Variants in COL23A1 observed in about 807,000 individuals in gnomAD.
COL23A1 encodes the protein collagen alpha-1(XXIII) chain.
COL23A1 carries 97 observed loss-of-function variants against 99.3 expected under a neutral mutation model. The observed-to-expected ratio is 0.98, with a 90% confidence interval of 0.83 to 1.16. The LOEUF (loss-of-function observed/expected upper bound fraction) is 1.16, where lower values mean the gene tolerates loss of function less well. COL23A1 is among the 50% of genes most tolerant of loss of function. The probability of loss-of-function intolerance (pLI) is 0.00; values close to 1 mark genes in which losing one functional copy is unlikely to be tolerated. For synonymous variants in COL23A1, 320 were observed against 308.2 expected, an observed-to-expected ratio of 1.04 and a Z score of -0.40; for missense variants, 762 against 757.4, an observed-to-expected ratio of 1.01 and a Z score of -0.07.
chr5:178,522,810 C>G (rs1760023332), intron 2 of COL23A1, among the ~76,000 whole-genome samples: 1 of 152,134 alleles, frequency 6.6e-6, no homozygotes, highest in Non-Finnish European at 1.5e-5. Flanking sequence ...TGCCAGTGAG[C>G]TCTGCCCGAG....
intron 1 of COL23A1, among the ~76,000 whole-genome samples, chr5:178,579,794 C>T (rs1763568379): frequency 6.6e-6 from 1 of 152,158 alleles, no homozygotes; most frequent in Non-Finnish European, 1.5e-5. Context: ...CCATCACTTA[C>T]AGATGTCTAC....
At chr5:178,543,170 C>T (rs949847305) in intron 2 of COL23A1, among the ~76,000 whole-genome samples, 3 of 151,718 alleles carry the variant, frequency 2.0e-5, no homozygotes, top group South Asian at 2.1e-4. Context: ...TGCAATGGCG[C>T]GATCTCGGCT....
At chr5:178,358,294 A>ATGTG (rs1228335828) in intron 2 of COL23A1, among the ~76,000 whole-genome samples, 7 of 114,038 alleles carry the variant, frequency 6.1e-5, no homozygotes, top group African/African-American at 2.4e-4. Flanking sequence ...GTGTGCGTAT[A>ATGTG]TGTATGTATG....
chr5:178,287,278 G>T (rs999892728), intron 5 of COL23A1, among the ~76,000 whole-genome samples: 2 of 152,192 alleles, frequency 1.3e-5, no homozygotes, highest in Non-Finnish European at 2.9e-5. Flanking sequence ...ATTGCTGGGG[G>T]AGCTGCCCGG....
chr5:178,245,351 C>T (rs1427445473), intron 25 of COL23A1, among the ~76,000 whole-genome samples: 1 of 146,042 alleles, frequency 6.8e-6, no homozygotes, highest in Admixed American at 6.8e-5. Flanking sequence ...CATCATTCAT[C>T]TATTATCCAT....
At chr5:178,469,673 C>T (rs1422041799) in intron 2 of COL23A1, among the ~76,000 whole-genome samples, 4 of 152,058 alleles carry the variant, frequency 2.6e-5, no homozygotes, top group African/African-American at 9.7e-5. Flanking sequence ...AGGGGACTTC[C>T]GCCAGTACCT....
At chr5:178,444,821 A>G (rs1442074468) in intron 2 of COL23A1, among the ~76,000 whole-genome samples, 1 of 152,154 alleles carries the variant, frequency 6.6e-6, no homozygotes, top group Non-Finnish European at 1.5e-5. Flanking sequence ...AAACAAATAA[A>G]AAAACCCACA....
chr5:178,405,370 A>G (rs1561942738), intron 2 of COL23A1, among the ~76,000 whole-genome samples: 2 of 152,224 alleles, frequency 1.3e-5, no homozygotes, highest in African/African-American at 4.8e-5. Flanking sequence ...ACAAACTATG[A>G]TTCAATTTTT....
Position 178,309,937 on chromosome 5 carries a change from GGGC to G in COL23A1, c.362-3021_362-3019del, listed in dbSNP as rs879550696. Among the ~76,000 whole-genome samples the G allele has an allele frequency of 0.071, 6,707 of 93,936 alleles. 258 individuals are homozygous for G. Among genetic ancestry groups the G allele is most frequent in the African/African-American group, 0.14 (3,836 of 26,836 alleles). The allele number at this position is 93,936 out of a possible 152,430, so 61.6% of individuals were successfully genotyped here. ...AAGTGATGTGTGTTCAGGGGAGGAA[GGGC>G]GGGGGGGAGAGGGAGGGAGGGAGAA... On this transcript the variant is annotated intron_variant, in intron 2 of 28. Transcript: ENST00000390654. This position sits in a 1 kb window ranked among gnomAD's most constrained non-coding sequence, Gnocchi z 4.7.
chr5:178,458,211 T>C (rs1327999796), intron 2 of COL23A1, among the ~76,000 whole-genome samples: 2 of 6,814 alleles, frequency 2.9e-4, no homozygotes, highest in African/African-American at 2.2e-3. Context: ...ATTTGGAAAA[T>C]TGGTAAATAA....
chr5:178,513,292 C>A (rs969954513), intron 2 of COL23A1, among the ~76,000 whole-genome samples: 2 of 152,180 alleles, frequency 1.3e-5, no homozygotes, highest in Admixed American at 6.5e-5. Context: ...CACTTACATC[C>A]CCCCTGCAAC....
chr5:178,585,714 G>A (rs57005365), intron 1 of COL23A1, among the ~76,000 whole-genome samples: 104 of 119,206 alleles, frequency 8.7e-4, no homozygotes, highest in African/African-American at 1.6e-3. Flanking sequence ...GCCCTGGATG[G>A]CGCTGGGGTA....
rs952775743 is a variant in COL23A1 at position 178,503,157 on chromosome 5, G to A, written c.361+57525C>T. On this transcript the variant is annotated intron_variant, in intron 2 of 28. Coordinates refer to ENST00000390654, the MANE Select transcript of COL23A1 (RefSeq NM_173465.4). ...AGCACTTTGGGAGGCCGAGGCGGGTGGATCACCTGAGGTCAGAGTTCAAGA... is the reference window on the plus strand; with the variant it reads ...AGCACTTTGGGAGGCCGAGGCGGGTAGATCACCTGAGGTCAGAGTTCAAGA... Among the ~76,000 whole-genome samples, 16 of 152,208 alleles carry A rather than the reference G, an allele frequency of 1.1e-4. 1 individual carries two copies. The highest frequency in any genetic ancestry group is 7.9e-4 in the Admixed American group (12 of 15,278).
At chr5:178,558,046 G>C (rs1762373779) in intron 2 of COL23A1, among the ~76,000 whole-genome samples, 1 of 151,124 alleles carries the variant, frequency 6.6e-6, no homozygotes, top group Admixed American at 6.6e-5. Context: ...CTGATGATCA[G>C]GGCTCCCCAG....
At chr5:178,561,537 T>G (rs1289825053) in intron 1 of COL23A1, among the ~76,000 whole-genome samples, 4 of 152,028 alleles carry the variant, frequency 2.6e-5, no homozygotes, top group Non-Finnish European at 5.9e-5. Flanking sequence ...GCCCCACAGA[T>G]GAGGAACGCA....
intron 2 of COL23A1, among the ~76,000 whole-genome samples, chr5:178,472,712 G>A (rs187486947): frequency 3.3e-5 from 5 of 152,260 alleles, no homozygotes; most frequent in African/African-American, 9.6e-5. Flanking sequence ...GCCCAGCATC[G>A]CACAGCTTGT....
In COL23A1 at chr5:178,249,928, A is replaced by G. The variant is rs565708092; in HGVS notation, c.1059+133T>C. On this transcript the variant is annotated intron_variant, in intron 18 of 28. Coordinates refer to ENST00000390654, the MANE Select transcript of COL23A1 (RefSeq NM_173465.4). ...CACAGGCAGCCTGGTGCCAAAATCC[A>G]TGATTTTTGATTTTCTCACACATGG... The G allele has an allele frequency of 8.0e-5, 102 of 1,271,810 alleles. 1 individual carries two copies. The South Asian group carries it at 1.2e-3, about 15-fold the overall frequency. The allele number at this position is 1,271,810 out of a possible 1,614,324, so 78.8% of individuals were successfully genotyped here.
At chr5:178,473,652 G>C (rs556177430) in intron 2 of COL23A1, among the ~76,000 whole-genome samples, 1 of 151,768 alleles carries the variant, frequency 6.6e-6, no homozygotes, top group Non-Finnish European at 1.5e-5. Context: ...GAGGGATCCT[G>C]GAACCAATGC....
intron 2 of COL23A1, among the ~76,000 whole-genome samples, chr5:178,500,255 T>C (rs1758448369): frequency 6.6e-6 from 1 of 152,038 alleles, no homozygotes; most frequent in Non-Finnish European, 1.5e-5. Context: ...ACACTTTAAA[T>C]GTTAATTTTC....
Sources: allele counts gnomAD v4.1 joint callset (sites outside exome capture counted in the v4.1 genomes callset), GRCh38; gene constraint gnomAD v4.1.1; non-coding constraint Gnocchi (gnomAD v3.1); transcripts MANE v1.5; gene names NCBI Gene and HGNC (gene_info 2026-07-23, HGNC 2026-07-21).